PLBD1: variants seen among roughly 807,000 people sequenced by gnomAD.
PLBD1 encodes the protein phospholipase B domain containing 1, also known as lysosomal leucine aminopeptidase.
Under a neutral mutation model 63.0 loss-of-function variants are expected in PLBD1, and 60 were observed. The observed-to-expected ratio is 0.95, with a 90% CI of 0.77 to 1.18. PLBD1 has a LOEUF of 1.18. Among genes scored for constraint, PLBD1 ranks in the 50% most tolerant of loss-of-function variants. The pLI, the probability that PLBD1 is intolerant of heterozygous loss-of-function variation, is 0.00. For missense variants in PLBD1, 598 were observed against 677.9 expected (o/e 0.88, Z 1.31); for synonymous variants, 262 against 248.0 (o/e 1.06, Z -0.53).
Position 14,567,735 on chromosome 12 carries a change from G to A in PLBD1, c.-39C>T. The A allele has an allele frequency of 7.2e-7, 1 of 1,386,870 alleles. No homozygotes were observed. Among genetic ancestry groups the A allele is most frequent in the South Asian group, 1.6e-5 (1 of 61,408 alleles). The allele number at this position is 1,386,870 out of a possible 1,614,324, so 85.9% of individuals were successfully genotyped here. ...CGACCTTCCTCTGCGGGATCAGGCG[G>A]CCGCGGTGGCCCGCGGTGGCAGAAG... On this transcript the variant is annotated 5_prime_UTR_variant, in exon 1 of 11. Transcript: ENST00000240617.
chr12:14,566,935 T>C (rs1467332135), intron 1 of PLBD1, among the ~76,000 whole-genome samples: 1 of 151,856 alleles, frequency 6.6e-6, no homozygotes, highest in Non-Finnish European at 1.5e-5. Flanking sequence ...TCTCTACTAA[T>C]AATGCACAAA....
At chr12:14,513,870 C>T (rs1296606802) in intron 6 of PLBD1, among the ~76,000 whole-genome samples, 2 of 151,714 alleles carry the variant, frequency 1.3e-5, no homozygotes, top group South Asian at 2.1e-4. Context: ...AATTCCACCT[C>T]CTGGGTTCAC....
Position 14,560,032 on chromosome 12 carries a change from G to A in PLBD1, c.116-6620C>T, listed in dbSNP as rs146141272. Reference sequence around the variant, plus strand: ...TGCGCCGCCACGCCTGGCTAATTTTGTATTTTTAGTACAGACAGGGTTTCT... The same window carrying A: ...TGCGCCGCCACGCCTGGCTAATTTTATATTTTTAGTACAGACAGGGTTTCT... On this transcript the variant is annotated intron_variant, in intron 1 of 10. Coordinates refer to ENST00000240617, the MANE Select transcript of PLBD1 (RefSeq NM_024829.6). Among the ~76,000 whole-genome samples the A allele has an allele frequency of 6.9e-3, 1,043 of 152,072 alleles. 21 individuals carry two copies. Among genetic ancestry groups the A allele is most frequent in the African/African-American group, 0.024 (989 of 41,496 alleles).
At chr12:14,507,181 A>G in intron 8 of PLBD1, 63 bp from the exon 9 acceptor site, 1 of 1,244,828 alleles carries the variant, frequency 8.0e-7, no homozygotes, top group South Asian at 1.4e-5. Flanking sequence ...AAAAGGAGAG[A>G]GAGCAAAAGA....
chr12:14,505,271 T>C (rs1455012836), intron 10 of PLBD1, among the ~76,000 whole-genome samples: 2 of 152,120 alleles, frequency 1.3e-5, no homozygotes, highest in African/African-American at 2.4e-5. Flanking sequence ...GGGGTCAGCA[T>C]TCCTATAATT....
intron 1 of PLBD1, 31 bp from the exon 2 acceptor site, chr12:14,553,443 C>T (rs1194722768): frequency 6.5e-7 from 1 of 1,548,216 alleles, no homozygotes. Flanking sequence ...GACAAAAACG[C>T]CATTCAAATG....
intron 6 of PLBD1, among the ~76,000 whole-genome samples, chr12:14,518,310 CACAA>C (rs764025619): frequency 6.6e-6 from 1 of 152,148 alleles, no homozygotes; most frequent in Non-Finnish European, 1.5e-5. Flanking sequence ...ACTAGTTGAA[CACAA>C]ACAAGCTTAT....
chr12:14,526,864 C>T (rs35638220), intron 6 of PLBD1, among the ~76,000 whole-genome samples: 24,465 of 151,926 alleles, frequency 0.16, 2,551 homozygotes, highest in Non-Finnish European at 0.23. Flanking sequence ...CCCAGCTACT[C>T]GGGAGGATGA....
chr12:14,532,332 GAC>G (rs1945472226), intron 6 of PLBD1, among the ~76,000 whole-genome samples: 1 of 152,300 alleles, frequency 6.6e-6, no homozygotes, highest in Middle Eastern at 3.4e-3. Context: ...AGGACTGACC[GAC>G]ACATGGTACA....
intron 10 of PLBD1, 53 bp from the exon 11 acceptor site, chr12:14,504,007 T>C: frequency 6.6e-7 from 1 of 1,521,918 alleles, no homozygotes; most frequent in Non-Finnish European, 9.0e-7. Context: ...CAGCAAAAAA[T>C]TAAATCCATG....
intron 1 of PLBD1, among the ~76,000 whole-genome samples, chr12:14,562,904 G>C (rs1489706768): frequency 6.6e-6 from 1 of 152,100 alleles, no homozygotes; most frequent in Non-Finnish European, 1.5e-5. Context: ...CATGTCTAAA[G>C]AAGTATGAAA....
chr12:14,527,827 G>C (rs1434878369), intron 6 of PLBD1, among the ~76,000 whole-genome samples: 1 of 130,838 alleles, frequency 7.6e-6, no homozygotes, highest in Non-Finnish European at 1.7e-5. Context: ...AAAAAAAAAA[G>C]AAAGTAAACA....
intron 6 of PLBD1, among the ~76,000 whole-genome samples, chr12:14,519,844 A>G (rs1220960836): frequency 1.3e-5 from 2 of 152,182 alleles, no homozygotes; most frequent in East Asian, 3.9e-4. Context: ...AAACTAATAT[A>G]TAGCCCATAC....
intron 6 of PLBD1, among the ~76,000 whole-genome samples, chr12:14,516,895 A>C (rs1945341529): frequency 6.6e-6 from 1 of 151,942 alleles, no homozygotes; most frequent in Non-Finnish European, 1.5e-5. Context: ...AAAAATTAGC[A>C]GGGCATGGTG....
chr12:14,506,305 C>A (rs376855043), intron 9 of PLBD1, 37 bp from the exon 10 acceptor site: 1 of 1,430,734 alleles, frequency 7.0e-7, no homozygotes, highest in Non-Finnish European at 9.8e-7. Flanking sequence ...TGATTATTGG[C>A]TATTTGGAGA....
chr12:14,504,784 C>G (rs1279062853), intron 10 of PLBD1, among the ~76,000 whole-genome samples: 1 of 152,188 alleles, frequency 6.6e-6, no homozygotes, highest in Non-Finnish European at 1.5e-5. Flanking sequence ...GGGTCTTAAT[C>G]TTAGAGGGGA....
intron 2 of PLBD1, among the ~76,000 whole-genome samples, chr12:14,543,010 T>C (rs936413959): frequency 5.9e-5 from 9 of 152,270 alleles, no homozygotes; most frequent in Admixed American, 5.2e-4. Context: ...TTTTAAAACT[T>C]AAAAAAATTA....
chr12:14,540,013 C>CTTT (rs1555147086), intron 4 of PLBD1, among the ~76,000 whole-genome samples: 1 of 22,780 alleles, frequency 4.4e-5, no homozygotes, highest in South Asian at 2.2e-3. Context: ...AAGCTATGCA[C>CTTT]ATATATATAT....
chr12:14,566,310 GAA>G, intron 1 of PLBD1, among the ~76,000 whole-genome samples: 1 of 152,252 alleles, frequency 6.6e-6, no homozygotes, highest in Non-Finnish European at 1.5e-5. Flanking sequence ...ATTTAAGATT[GAA>G]GAGTGATAAC....
Sources: gnomAD v4.1 joint callset for allele counts (sites outside exome capture counted in the v4.1 genomes callset) on GRCh38, gnomAD v4.1.1 for gene constraint, MANE v1.5 for transcripts, NCBI Gene and HGNC (gene_info 2026-07-23, HGNC 2026-07-21) for gene names.